MBP: variants seen among roughly 807,000 people sequenced by gnomAD.
The protein encoded by MBP is myelin basic protein.
Under a neutral mutation model 35.8 loss-of-function variants are expected in MBP, and 16 were observed. The ratio of observed to expected loss-of-function variants is 0.45; its 90% CI spans 0.30 to 0.68. The LOEUF is 0.68. Among genes scored for constraint, MBP ranks in the 30% least tolerant of loss-of-function variants. The pLI is 0.08. For synonymous variants in MBP, 143 were observed against 159.6 expected, an observed-to-expected ratio of 0.90 and a Z score of 0.78; for missense variants, 380 against 404.7, an observed-to-expected ratio of 0.94 and a Z score of 0.52.
intron 3 of MBP, among the ~76,000 whole-genome samples, chr18:77,047,457 C>T (rs760727545): frequency 6.6e-6 from 1 of 152,150 alleles, no homozygotes; most frequent in Non-Finnish European, 1.5e-5. Context: ...TTCGCAGTGG[C>T]CGGGGGCTGG....
At chr18:77,125,947 G>A (rs1022606181) in intron 1 of MBP, among the ~76,000 whole-genome samples, 4 of 150,454 alleles carry the variant, frequency 2.7e-5, no homozygotes, top group Non-Finnish European at 5.9e-5. Flanking sequence ...ACCCAAGAAA[G>A]AAATCCCCAG....
At chr18:77,049,167 C>T (rs1973380460) in intron 3 of MBP, among the ~76,000 whole-genome samples, 2 of 150,472 alleles carry the variant, frequency 1.3e-5, no homozygotes, top group Non-Finnish European at 3.0e-5. Context: ...GATCCGCCCA[C>T]CTCGGCCTTC....
intron 3 of MBP, among the ~76,000 whole-genome samples, chr18:77,025,225 G>T (rs1286708408): frequency 6.6e-6 from 1 of 152,180 alleles, no homozygotes; most frequent in Admixed American, 6.5e-5. Context: ...GCCCAAAGTG[G>T]CTTTCACTGC....
intron 2 of MBP, among the ~76,000 whole-genome samples, chr18:77,077,535 A>T (rs1005705237): frequency 6.6e-6 from 1 of 152,146 alleles, no homozygotes; most frequent in Non-Finnish European, 1.5e-5. Context: ...ATAACTCTAG[A>T]CACCTGTTAA....
intron 2 of MBP, among the ~76,000 whole-genome samples, chr18:77,095,743 G>C (rs774193825): frequency 1.3e-5 from 2 of 152,230 alleles, no homozygotes; most frequent in Admixed American, 6.5e-5. Flanking sequence ...ATGTCACCCA[G>C]TCTTGTGGCT....
chr18:77,029,436 GA>G (rs1313599073), intron 3 of MBP, among the ~76,000 whole-genome samples: 1 of 127,658 alleles, frequency 7.8e-6, no homozygotes, highest in East Asian at 2.7e-4. Flanking sequence ...GGGAGAGGGA[GA>G]GGGAGGGGGA....
At chr18:77,103,380 C>T (rs1320955889) in intron 2 of MBP, among the ~76,000 whole-genome samples, 2 of 152,218 alleles carry the variant, frequency 1.3e-5, no homozygotes, top group African/African-American at 4.8e-5. Context: ...GGCCCATCTT[C>T]AGCAGCCGGA....
chr18:77,009,235 T>C lies in MBP; in HGVS notation c.576+7597A>G, dbSNP rs150987407. On this transcript the variant is annotated intron_variant, in intron 4 of 8. Transcript: ENST00000355994. ...TCCTGGCTGTCCTCTTCTTTGTGAG[T>C]GCTCCTGGCACCTATGTGCTTTGAG... Among the ~76,000 whole-genome samples, 1,009 of 152,248 alleles carry C rather than the reference T, an allele frequency of 6.6e-3. 12 individuals are homozygous for C. The highest frequency in any genetic ancestry group is 0.023 in the African/African-American group (961 of 41,526).
At chr18:77,050,848 A>G (rs1007282019) in intron 3 of MBP, among the ~76,000 whole-genome samples, 1 of 152,140 alleles carries the variant, frequency 6.6e-6, no homozygotes, top group African/African-American at 2.4e-5. Flanking sequence ...ACCCCACCCT[A>G]TTACCTTAGT....
chr18:77,037,472 G>A (rs569495097), intron 3 of MBP, among the ~76,000 whole-genome samples: 14 of 152,316 alleles, frequency 9.2e-5, no homozygotes, highest in African/African-American at 3.1e-4. Flanking sequence ...GTGGCTGGAG[G>A]GGCTGTTTTT....
chr18:77,126,060 T>C (rs1977038037), intron 1 of MBP, among the ~76,000 whole-genome samples: 4 of 152,220 alleles, frequency 2.6e-5, no homozygotes, highest in Admixed American at 2.6e-4. Flanking sequence ...GGGAACACTT[T>C]CTAACTCATT....
Position 76,989,962 on chromosome 18 carries a change from C to T in MBP, c.675G>A (p.Lys225=), listed in dbSNP as rs368963270. The change falls in exon 5 of 9, where the codon AAG becomes AAA. Residue 225 remains lysine (K), a synonymous_variant. Transcript: ENST00000355994. This position sits in a 1 kb window ranked among gnomAD's most constrained non-coding sequence, Gnocchi z 4.0. ...QDENPVVHFF[K]NIVTPRTPPP... is the part of the protein sequence containing the mutation. The stretch of plus-strand genomic sequence containing the variant: ...CCCATCGATCGTCACTTACAATGTT[C>T]TTGAAGAAGTGGACTACGGGGTTTT... 5 of 1,611,320 alleles carry T rather than the reference C, an allele frequency of 3.1e-6. No individual in the cohort carries two copies. Among genetic ancestry groups the T allele is most frequent in the Non-Finnish European group, 4.2e-6 (5 of 1,179,192 alleles).
At chr18:77,039,587 A>G (rs1972903355) in intron 3 of MBP, among the ~76,000 whole-genome samples, 1 of 152,246 alleles carries the variant, frequency 6.6e-6, no homozygotes, top group African/African-American at 2.4e-5. Flanking sequence ...GGGCCACCCT[A>G]GAACACAGCA....
intron 2 of MBP, among the ~76,000 whole-genome samples, chr18:77,083,798 C>A (rs1186491396): frequency 6.6e-6 from 1 of 152,134 alleles, no homozygotes; most frequent in Non-Finnish European, 1.5e-5. Context: ...TCTGAAAGAG[C>A]GAACCCTACA....
chr18:77,108,015 G>A (rs1356208164), intron 1 of MBP, among the ~76,000 whole-genome samples: 3 of 152,222 alleles, frequency 2.0e-5, no homozygotes, highest in Non-Finnish European at 4.4e-5. Flanking sequence ...AGCCGTTAGT[G>A]GAAATGGCCC....
chr18:77,017,147 G>C lies in MBP; in HGVS notation c.261C>G (p.Ser87Arg). The change falls in exon 4 of 9, where the codon AGC (serine) becomes AGG (arginine). Residue 87 changes from serine (S) to arginine (R), a missense_variant. Coordinates refer to ENST00000355994, the MANE Select transcript of MBP (RefSeq NM_001025101.2). ...WQDAHPADPG[S>R]RPHLIRLFSR... ...AAAAGAGGCGGATCAAGTGGGGGCGGCTCCCTGGGTCAGCTGGGTGGGCAT... is the reference window on the plus strand; with the variant it reads ...AAAAGAGGCGGATCAAGTGGGGGCGCCTCCCTGGGTCAGCTGGGTGGGCAT... The C allele has an allele frequency of 6.4e-7, 1 of 1,565,200 alleles. No individual in the cohort carries two copies. The highest frequency in any genetic ancestry group is 8.7e-7 in the Non-Finnish European group (1 of 1,153,418).
chr18:77,121,851 A>G (rs188986915), intron 1 of MBP, among the ~76,000 whole-genome samples: 1 of 152,240 alleles, frequency 6.6e-6, no homozygotes, highest in Non-Finnish European at 1.5e-5. Context: ...ATTTTCAGAT[A>G]GCCGAAAGAA....
At chr18:77,005,388 C>T (rs991848055) in intron 4 of MBP, 1 of 152,254 alleles carries the variant, frequency 6.6e-6, no homozygotes, top group Non-Finnish European at 1.5e-5. Flanking sequence ...TGCAGGAGCA[C>T]ACCCTTCATG....
chr18:76,981,531 A>G (rs1969201007), intron 8 of MBP: 1 of 152,244 alleles, frequency 6.6e-6, no homozygotes, highest in African/African-American at 2.4e-5. Flanking sequence ...CATACGTAGC[A>G]TTATAAACAA....
Sources: gnomAD v4.1 joint callset for allele counts (sites outside exome capture counted in the v4.1 genomes callset) on GRCh38, gnomAD v4.1.1 for gene constraint, Gnocchi (gnomAD v3.1) non-coding constraint, MANE v1.5 for transcripts, NCBI Gene and HGNC (gene_info 2026-07-23, HGNC 2026-07-21) for gene names.